Variants in HDAC8 observed in about 807,000 individuals in gnomAD.
HDAC8 encodes the protein histone deacetylase-like 1.
A neutral mutation model predicts 32.2 loss-of-function variants in HDAC8; 1 was observed. The observed-to-expected ratio is 0.03, with a 90% CI of 0.01 to 0.15. HDAC8 has a LOEUF of 0.15. Ranked by LOEUF, HDAC8 falls within the 10% of genes least tolerant of loss-of-function variation. The pLI, the probability that HDAC8 is intolerant of heterozygous loss-of-function variation, is 1.00. For missense variants in HDAC8, 117 were observed against 300.0 expected, an observed-to-expected ratio of 0.39 and a Z score of 4.51; for synonymous variants, 108 against 113.9, an observed-to-expected ratio of 0.95 and a Z score of 0.33.
chrX:72,446,111 G>A lies in HDAC8; in HGVS notation c.1005+15893C>T, dbSNP rs189660938. ...GGGACTGTAAACTAGTTCAACCCTT[G>A]TGGAAGTCAGTGTGGTGATTCCCCA... On this transcript the variant is annotated intron_variant, in intron 9 of 10. Coordinates refer to ENST00000373573, the MANE Select transcript of HDAC8 (RefSeq NM_018486.3). Among the ~76,000 whole-genome samples the A allele has an allele frequency of 3.1e-4, 35 of 112,372 alleles. 1 individual carries two copies. In the East Asian group the frequency reaches 9.8e-3, roughly 31 times the overall value.
intron 7 of HDAC8, among the ~76,000 whole-genome samples, chrX:72,479,495 A>C (rs1215239901): frequency 1.8e-5 from 2 of 112,049 alleles, no homozygotes; most frequent in African/African-American, 6.5e-5. Flanking sequence ...CTAGCATCAG[A>C]ACTTATTCAA....
chrX:72,347,210 T>C (rs1471181255), intron 10 of HDAC8, among the ~76,000 whole-genome samples: 1 of 111,854 alleles, frequency 8.9e-6, no homozygotes, highest in Non-Finnish European at 1.9e-5. Context: ...GCTATTCTTC[T>C]TATTATTTCA....
intron 7 of HDAC8, among the ~76,000 whole-genome samples, chrX:72,481,269 T>C (rs920357784): frequency 9.1e-6 from 1 of 110,304 alleles, no homozygotes; most frequent in Non-Finnish European, 1.9e-5. Flanking sequence ...CATGAGGGAA[T>C]TGCCCCTATG....
rs782614843 is a variant in HDAC8, at chrX:72,471,076, G to A, written c.738-6345C>T. Among the ~76,000 whole-genome samples, 91 of 111,863 alleles carry A rather than the reference G, an allele frequency of 8.1e-4. 1 individual carries two copies. Among genetic ancestry groups the A allele is most frequent in the Admixed American group, 2.1e-3 (22 of 10,536 alleles). On this transcript the variant is annotated intron_variant, in intron 7 of 10. Transcript: ENST00000373573. ...ATATACTTTCTGTCTCTATGAATTT[G>A]TCTAATTTTGACCTTTCATATCAGT...
intron 7 of HDAC8, among the ~76,000 whole-genome samples, chrX:72,484,282 A>G (rs189396364): frequency 8.9e-6 from 1 of 112,210 alleles, no homozygotes; most frequent in East Asian, 2.8e-4. Context: ...TCACTAGAGT[A>G]AGGCTATTTC....
intron 4 of HDAC8, among the ~76,000 whole-genome samples, chrX:72,526,424 C>A (rs890330262): frequency 9.0e-6 from 1 of 110,629 alleles, no homozygotes; most frequent in African/African-American, 3.3e-5. Flanking sequence ...ACACCTCTCT[C>A]GCCGCATTTC....
rs782189423 is a variant in HDAC8 at position 72,567,731 on chromosome X, C to CT, written c.437+157dup. 1.1e-4 allele frequency: 137 copies of CT among 1,208,011 alleles called. No individual in the cohort carries two copies. In the Middle Eastern group the frequency reaches 2.3e-3, roughly 20 times the overall value. On this transcript the variant is annotated intron_variant, in intron 4 of 10. Coordinates refer to ENST00000373573, the MANE Select transcript of HDAC8 (RefSeq NM_018486.3). Reference sequence around the variant, plus strand: ...TGTGCTTTCCACTATATTAGGTAATCTTTTTTCTATTTCACTTGGATTTCT... The same window carrying CT: ...TGTGCTTTCCACTATATTAGGTAATCTTTTTTTCTATTTCACTTGGATTTCT...
At chrX:72,402,092 G>T in intron 9 of HDAC8, among the ~76,000 whole-genome samples, 1 of 111,518 alleles carries the variant, frequency 9.0e-6, no homozygotes, top group East Asian at 2.8e-4. Flanking sequence ...TTGGTATTTA[G>T]TGTGTTTCTA....
At chrX:72,384,400 C>A (rs1303344252) in intron 9 of HDAC8, among the ~76,000 whole-genome samples, 2 of 111,724 alleles carry the variant, frequency 1.8e-5, no homozygotes, top group Non-Finnish European at 3.8e-5. Flanking sequence ...CAGACAGAAA[C>A]CCACATGCAT....
chrX:72,538,777 TATC>T (rs2050612073), intron 4 of HDAC8, among the ~76,000 whole-genome samples: 1 of 111,801 alleles, frequency 8.9e-6, no homozygotes, highest in African/African-American at 3.3e-5. Flanking sequence ...GGTTCAGACA[TATC>T]ATAAAAATAG....
chrX:72,377,904 T>A (rs2045132518), intron 9 of HDAC8, among the ~76,000 whole-genome samples: 1 of 111,012 alleles, frequency 9.0e-6, no homozygotes, highest in African/African-American at 3.3e-5. Context: ...ATTACTGCAT[T>A]CTTTTTTTAT....
intron 9 of HDAC8, among the ~76,000 whole-genome samples, chrX:72,420,490 T>C (rs1306366584): frequency 8.9e-6 from 1 of 112,418 alleles, no homozygotes; most frequent in Non-Finnish European, 1.9e-5. Context: ...GCATCTTTCT[T>C]TTTTCTTTGT....
chrX:72,425,837 T>C (rs1487038147), intron 9 of HDAC8, among the ~76,000 whole-genome samples: 1 of 111,702 alleles, frequency 9.0e-6, no homozygotes, highest in Non-Finnish European at 1.9e-5. Flanking sequence ...TCTAGAGCAT[T>C]GCACATGCAA....
intron 9 of HDAC8, among the ~76,000 whole-genome samples, chrX:72,438,713 A>G (rs2047027426): frequency 9.0e-6 from 1 of 111,044 alleles, no homozygotes. Context: ...ACAGGATATC[A>G]GAGATTGAAG....
intron 9 of HDAC8, among the ~76,000 whole-genome samples, chrX:72,352,540 C>T (rs1039486654): frequency 4.5e-5 from 5 of 111,412 alleles, no homozygotes; most frequent in South Asian, 3.9e-4. Context: ...GTCAGCTCCC[C>T]GAAGGCAGGC....
chrX:72,351,178 C>A (rs2044170052), intron 10 of HDAC8: 2 of 176,462 alleles, frequency 1.1e-5, no homozygotes, highest in Admixed American at 1.5e-4. Flanking sequence ...TGGCTCACTG[C>A]AGCCTCAACC....
chrX:72,450,049 A>G (rs974437293), intron 9 of HDAC8, among the ~76,000 whole-genome samples: 1 of 112,282 alleles, frequency 8.9e-6, no homozygotes, highest in East Asian at 2.8e-4. Flanking sequence ...GTACATCTAT[A>G]CCATGGAATA....
At chrX:72,425,836 T>A (rs1217876210) in intron 9 of HDAC8, among the ~76,000 whole-genome samples, 1 of 111,675 alleles carries the variant, frequency 9.0e-6, no homozygotes, top group African/African-American at 3.3e-5. Flanking sequence ...CTCTAGAGCA[T>A]TGCACATGCA....
At chrX:72,474,429 GAA>G (rs1603013663) in intron 7 of HDAC8, 3 of 959,796 alleles carry the variant, frequency 3.1e-6, no homozygotes, top group African/African-American at 4.1e-5. Context: ...TTGCTTTTGG[GAA>G]AGTTTCCCTA....
Sources: allele counts gnomAD v4.1 joint callset (sites outside exome capture counted in the v4.1 genomes callset), GRCh38; gene constraint gnomAD v4.1.1; transcripts MANE v1.5; gene names NCBI Gene and HGNC (gene_info 2026-07-23, HGNC 2026-07-21).